GRID1: variants seen among roughly 807,000 people sequenced by gnomAD.
The protein encoded by GRID1 is glutamate receptor ionotropic, delta-1.
Under a neutral mutation model 98.0 loss-of-function variants are expected in GRID1, and 28 were observed. That is an observed-to-expected ratio of 0.29 (90% confidence interval 0.21 to 0.39). GRID1 has a LOEUF of 0.39. GRID1 is among the 10% of genes least tolerant of loss of function. GRID1 has a pLI of 1.00. For synonymous variants in GRID1, 553 were observed against 538.5 expected, an observed-to-expected ratio of 1.03 and a Z score of -0.37; for missense variants, 1,111 against 1,340.5, an observed-to-expected ratio of 0.83 and a Z score of 2.67.
chr10:86,326,449 G>T (rs536050282), intron 2 of GRID1, among the ~76,000 whole-genome samples: 1 of 152,328 alleles, frequency 6.6e-6, no homozygotes, highest in South Asian at 2.1e-4. Flanking sequence ...TCAAATGTAT[G>T]AAAGTTTGAA....
At position 85,880,130 on chromosome 10, in the gene GRID1, A is replaced by G. The variant is rs182889277; in HGVS notation, c.781-10950T>C. Among the ~76,000 whole-genome samples the G allele has an allele frequency of 1.6e-3, 237 of 152,338 alleles. 11 individuals are homozygous for G. The East Asian group carries it at 0.041, about 26-fold the overall frequency. ...GGCTCTGAAATTGTGGCAATAATCA[A>G]TAGCTTACCAACCAAAAAAAGTCCG... On this transcript the variant is annotated intron_variant, in intron 5 of 15. Transcript: ENST00000327946.
intron 4 of GRID1, among the ~76,000 whole-genome samples, chr10:86,030,143 TG>T (rs1425623503): frequency 6.6e-6 from 1 of 152,242 alleles, no homozygotes; most frequent in African/African-American, 2.4e-5. Context: ...AACTTCTTTT[TG>T]GTTTTGGTAG....
intron 5 of GRID1, among the ~76,000 whole-genome samples, chr10:85,914,638 T>G (rs549776418): frequency 6.6e-6 from 1 of 152,138 alleles, no homozygotes; most frequent in Admixed American, 6.5e-5. Context: ...CTACGAAAAG[T>G]GGACTTTGCA....
At chr10:85,769,510 A>G (rs1842233545) in intron 8 of GRID1, among the ~76,000 whole-genome samples, 1 of 152,202 alleles carries the variant, frequency 6.6e-6, no homozygotes, top group Admixed American at 6.5e-5. Context: ...TGCGAGCCGA[A>G]GCAGGGCGAG....
Position 86,130,909 on chromosome 10 carries a change from C to G in GRID1, c.726+7910G>C, listed in dbSNP as rs552519121. 2.0e-5 allele frequency among the ~76,000 whole-genome samples: 3 copies of G among 152,220 alleles called. No homozygotes were observed. In the South Asian group the frequency reaches 6.2e-4, roughly 32 times the overall value. On this transcript the variant is annotated intron_variant, in intron 4 of 15. Transcript: ENST00000327946. ...GGGGCCAGAGCCCAAAAGCGCTCAC[C>G]CCAGTTCCTGCACCTGCCCGTCTGC... is the stretch of plus-strand genomic sequence containing the variant.
intron 4 of GRID1, among the ~76,000 whole-genome samples, chr10:86,077,022 T>A (rs1323111289): frequency 7.3e-6 from 1 of 136,828 alleles, no homozygotes; most frequent in African/African-American, 2.8e-5. Flanking sequence ...AATTCGCAGG[T>A]ACTGGAGTTA....
At position 86,240,558 on chromosome 10, in the gene GRID1, T is replaced by C. The variant is rs552455829; in HGVS notation, c.236-33910A>G. On this transcript the variant is annotated intron_variant, in intron 2 of 15. Transcript: ENST00000327946. ...CTATTGTACGCAAGAGGGCAAGATA[T>C]GTCCAGGGGCCCACCTCTTGGGTGG... Among the ~76,000 whole-genome samples the C allele has an allele frequency of 3.9e-3, 529 of 136,998 alleles. 2 individuals are homozygous for C. The highest frequency in any genetic ancestry group is 7.2e-3 in the Middle Eastern group (2 of 276). 89.9% of individuals were successfully genotyped at this position (136,998 alleles called of 152,430 possible).
At chr10:85,649,313 A>G (rs552332353) in intron 12 of GRID1, among the ~76,000 whole-genome samples, 1 of 152,336 alleles carries the variant, frequency 6.6e-6, no homozygotes, top group South Asian at 2.1e-4. Context: ...AGAGCTCAGT[A>G]TTCGTTTCAA....
At chr10:86,284,336 T>G (rs1446748064) in intron 2 of GRID1, among the ~76,000 whole-genome samples, 2 of 152,152 alleles carry the variant, frequency 1.3e-5, no homozygotes, top group African/African-American at 4.8e-5. Context: ...TGGTCATTGC[T>G]GCATTTTCAA....
At chr10:86,247,618 G>A (rs1846752977) in intron 2 of GRID1, among the ~76,000 whole-genome samples, 1 of 152,208 alleles carries the variant, frequency 6.6e-6, no homozygotes, top group South Asian at 2.1e-4. Flanking sequence ...CTTCCAGTAA[G>A]GGGCCATGAC....
chr10:85,612,455 C>CA (rs1842744486), intron 15 of GRID1, among the ~76,000 whole-genome samples: 2 of 152,134 alleles, frequency 1.3e-5, no homozygotes, highest in Admixed American at 6.5e-5. Flanking sequence ...CAAAAACAGA[C>CA]AAAAAACAAA....
chr10:86,328,849 A>C (rs907918447), intron 2 of GRID1, among the ~76,000 whole-genome samples: 1 of 151,804 alleles, frequency 6.6e-6, no homozygotes, highest in Admixed American at 6.6e-5. Context: ...ACTCTGCATG[A>C]GGCCCTTTAG....
intron 8 of GRID1, among the ~76,000 whole-genome samples, chr10:85,743,216 A>G (rs1040587137): frequency 6.7e-6 from 1 of 148,510 alleles, no homozygotes; most frequent in Non-Finnish European, 1.5e-5. Context: ...TGTGGGTCCC[A>G]CATGGATCCC....
At chr10:86,111,614 C>T (rs1844485497) in intron 4 of GRID1, among the ~76,000 whole-genome samples, 1 of 152,158 alleles carries the variant, frequency 6.6e-6, no homozygotes, top group Non-Finnish European at 1.5e-5. Flanking sequence ...ATATAAGGGA[C>T]TTGGAGGGAT....
At chr10:86,218,986 C>T (rs2132027881) in intron 2 of GRID1, among the ~76,000 whole-genome samples, 1 of 152,350 alleles carries the variant, frequency 6.6e-6, no homozygotes, top group East Asian at 1.9e-4. Context: ...CAGCCCGAGA[C>T]AGCTGTGCTC....
At chr10:85,724,251 A>G in intron 11 of GRID1, 101 bp downstream of exon 11, 1 of 839,138 alleles carries the variant, frequency 1.2e-6, no homozygotes, top group Non-Finnish European at 1.9e-6. Context: ...GTAAAATTGC[A>G]TTTGGAATGA....
intron 2 of GRID1, among the ~76,000 whole-genome samples, chr10:86,242,779 C>G (rs752771606): frequency 6.6e-6 from 1 of 152,160 alleles, no homozygotes; most frequent in Non-Finnish European, 1.5e-5. Context: ...TGCATGGTGA[C>G]CTTGCTCCAT....
intron 3 of GRID1, among the ~76,000 whole-genome samples, chr10:86,158,099 T>C (rs1362636199): frequency 1.3e-5 from 2 of 152,180 alleles, no homozygotes; most frequent in Non-Finnish European, 2.9e-5. Context: ...GACACAGGCC[T>C]GCTCACAAGC....
At chr10:86,255,064 T>C (rs2132051517) in intron 2 of GRID1, among the ~76,000 whole-genome samples, 1 of 152,252 alleles carries the variant, frequency 6.6e-6, no homozygotes, top group East Asian at 1.9e-4. Context: ...CCTGATCCTT[T>C]CCCACTGTGT....
Sources: allele counts gnomAD v4.1 joint callset (sites outside exome capture counted in the v4.1 genomes callset), GRCh38; gene constraint gnomAD v4.1.1; transcripts MANE v1.5; gene names NCBI Gene and HGNC (gene_info 2026-07-23, HGNC 2026-07-21).